The following ATF7IP variants were observed in gnomAD, a reference collection of about 807,000 sequenced individuals.
The protein encoded by ATF7IP is activating transcription factor 7-interacting protein 1.
ATF7IP carries 23 observed loss-of-function variants against 106.4 expected under a neutral mutation model. That is an observed-to-expected ratio of 0.22 (90% confidence interval 0.16 to 0.31). The LOEUF is 0.31. ATF7IP is among the 10% of genes least tolerant of loss of function. The pLI is 1.00. For missense variants in ATF7IP, 1,334 were observed against 1,524.3 expected (o/e 0.88, Z 2.08); for synonymous variants, 542 against 539.0 (o/e 1.01, Z -0.08).
chr12:14,380,546 A>G (rs904746520), intron 1 of ATF7IP, among the ~76,000 whole-genome samples: 1 of 152,174 alleles, frequency 6.6e-6, no homozygotes, highest in Admixed American at 6.6e-5. Flanking sequence ...ACTCTGGGAG[A>G]TTCATGAAGG....
intron 10 of ATF7IP, among the ~76,000 whole-genome samples, chr12:14,473,288 C>CTGTATGTG (rs796814505): frequency 0.15 from 21,448 of 140,144 alleles, 1,936 homozygotes; most frequent in East Asian, 0.22. Flanking sequence ...CTCTCTCTCT[C>CTGTATGTG]TCTGTGTGTG....
chr12:14,435,989 A>G (rs1942384173), intron 3 of ATF7IP, 117 bp from the exon 4 acceptor site: 4 of 1,026,422 alleles, frequency 3.9e-6, no homozygotes, highest in Non-Finnish European at 5.6e-6. Context: ...CAGTTTACAA[A>G]ATAGTTGGTT....
chr12:14,395,073 T>A (rs531618405), intron 1 of ATF7IP: 2 of 152,276 alleles, frequency 1.3e-5, no homozygotes, highest in South Asian at 4.1e-4. Context: ...GGAATTTTAA[T>A]ATGTAGCCAA....
chr12:14,372,436 G>C (rs1938569262), intron 1 of ATF7IP, among the ~76,000 whole-genome samples: 2 of 143,466 alleles, frequency 1.4e-5, no homozygotes, highest in South Asian at 4.4e-4. Flanking sequence ...TTAAGAGGAT[G>C]ACTCAGGTAC....
At chr12:14,401,659 C>CTT (rs1187389958) in intron 1 of ATF7IP, among the ~76,000 whole-genome samples, 3 of 134,038 alleles carry the variant, frequency 2.2e-5, no homozygotes, top group Non-Finnish European at 3.3e-5. Context: ...TTTTTCATTA[C>CTT]TTTTGGTTTT....
intron 7 of ATF7IP, 26 bp from the exon 8 acceptor site, chr12:14,457,181 T>TATTGGTGTGTATATGTATTTCATAG (rs752325046): frequency 6.4e-7 from 1 of 1,567,250 alleles, no homozygotes; most frequent in East Asian, 2.2e-5. Flanking sequence ...ATCTATTGAC[T>TATTGGTGTGTATATGTATTTCATAG]ATTGGTGTGT....
chr12:14,409,212 T>G (rs1284376352), intron 1 of ATF7IP, among the ~76,000 whole-genome samples: 1 of 151,888 alleles, frequency 6.6e-6, no homozygotes, highest in Non-Finnish European at 1.5e-5. Flanking sequence ...ATAATAAAAA[T>G]TTCTAAAAGG....
chr12:14,429,426 G>T (rs1190272919), intron 2 of ATF7IP, among the ~76,000 whole-genome samples: 1 of 151,836 alleles, frequency 6.6e-6, no homozygotes, highest in Admixed American at 6.6e-5. Context: ...TTAAACATAA[G>T]ATTTTTGAAG....
chr12:14,481,025 A>G lies in ATF7IP; in HGVS notation c.3120A>G (p.Thr1040=). The G allele has an allele frequency of 6.2e-7, 1 of 1,614,000 alleles. No individual in the cohort carries two copies. The highest frequency in any genetic ancestry group is 8.5e-7 in the Non-Finnish European group (1 of 1,179,942). The change falls in exon 13 of 15, where the codon ACA becomes ACG. Residue 1040 remains threonine (T), a synonymous_variant. Transcript: ENST00000261168. ...TAGCTCCAACTACCGTGAATGTAAC[A>G]CATCGTCCAGTAACTCAGGTGACCA... is the stretch of plus-strand genomic sequence containing the variant. ...LPTAPTTVNV[T]HRPVTQVTTR... is the part of the protein sequence containing the mutation.
chr12:14,425,510 G>T, intron 2 of ATF7IP, 37 bp downstream of exon 2: 1 of 1,483,260 alleles, frequency 6.7e-7, no homozygotes, highest in South Asian at 1.5e-5. Flanking sequence ...ATTTTTTATT[G>T]ACTTTGATGA....
At chr12:14,486,781 G>A (rs1944633795) in intron 13 of ATF7IP, among the ~76,000 whole-genome samples, 1 of 152,078 alleles carries the variant, frequency 6.6e-6, no homozygotes, top group African/African-American at 2.4e-5. Context: ...GCCAACTTAG[G>A]ATCCAGTTAT....
chr12:14,410,928 A>G (rs535978590), intron 1 of ATF7IP, among the ~76,000 whole-genome samples: 79 of 152,278 alleles, frequency 5.2e-4, no homozygotes, highest in African/African-American at 1.6e-3. Flanking sequence ...ATGTTTTCAA[A>G]GTTAATGCAT....
intron 1 of ATF7IP, among the ~76,000 whole-genome samples, chr12:14,392,945 G>A (rs887808898): frequency 6.6e-6 from 1 of 152,054 alleles, no homozygotes; most frequent in Non-Finnish European, 1.5e-5. Flanking sequence ...ATCTACAGTG[G>A]GTTGAAAATA....
At chr12:14,467,328 C>T (rs1245727931) in intron 10 of ATF7IP, among the ~76,000 whole-genome samples, 7 of 152,082 alleles carry the variant, frequency 4.6e-5, no homozygotes, top group Non-Finnish European at 7.4e-5. Context: ...ACAAGGGCAT[C>T]ATTTGATCTT....
At chr12:14,468,545 A>G (rs1261318994) in intron 10 of ATF7IP, among the ~76,000 whole-genome samples, 2 of 151,798 alleles carry the variant, frequency 1.3e-5, no homozygotes, top group Non-Finnish European at 2.9e-5. Flanking sequence ...TCAGAAAGCA[A>G]AGCAATAGTA....
intron 4 of ATF7IP, 149 bp from the exon 5 acceptor site, chr12:14,437,981 A>T: frequency 5.2e-6 from 3 of 581,196 alleles, no homozygotes; most frequent in Non-Finnish European, 8.4e-6. Flanking sequence ...TGAACCCGGG[A>T]GGCGGAGCTT....
At chr12:14,416,778 G>C in intron 1 of ATF7IP, 2 of 296,254 alleles carry the variant, frequency 6.8e-6, no homozygotes, top group Non-Finnish European at 1.0e-5. Context: ...TGCTGGGCAA[G>C]GTTTGTGACA....
chr12:14,443,382 G>GA (rs146495633), intron 5 of ATF7IP, among the ~76,000 whole-genome samples: 2,968 of 152,086 alleles, frequency 0.02, 98 homozygotes, highest in African/African-American at 0.068. Context: ...CACAAGAAGA[G>GA]AAAAAAACAT....
At chr12:14,447,544 G>A (rs1242109354) in intron 6 of ATF7IP, among the ~76,000 whole-genome samples, 1 of 152,070 alleles carries the variant, frequency 6.6e-6, no homozygotes, top group Non-Finnish European at 1.5e-5. Context: ...GCCTCCCAAA[G>A]TGCTGGAATT....
Sources: allele counts gnomAD v4.1 joint callset (sites outside exome capture counted in the v4.1 genomes callset), GRCh38; gene constraint gnomAD v4.1.1; transcripts MANE v1.5; gene names NCBI Gene and HGNC (gene_info 2026-07-23, HGNC 2026-07-21).